Variants in FAM114A2 observed in about 807,000 individuals in gnomAD.
The protein encoded by FAM114A2 is protein FAM114A2.
Under a neutral mutation model 58.4 loss-of-function variants are expected in FAM114A2, and 53 were observed. That is an observed-to-expected ratio of 0.91 (90% confidence interval 0.73 to 1.14). FAM114A2 has a LOEUF of 1.14. Among genes scored for constraint, FAM114A2 ranks in the 50% most tolerant of loss-of-function variants. The probability of loss-of-function intolerance (pLI) is 0.00; values close to 1 mark genes in which losing one functional copy is unlikely to be tolerated. For missense variants in FAM114A2, 601 were observed against 581.1 expected (o/e 1.03, Z -0.35); for synonymous variants, 228 against 211.4 (o/e 1.08, Z -0.68).
At chr5:154,023,762 C>T (rs903057512) in intron 8 of FAM114A2, among the ~76,000 whole-genome samples, 1 of 151,688 alleles carries the variant, frequency 6.6e-6, no homozygotes, top group Non-Finnish European at 1.5e-5. Flanking sequence ...CACCTGTTCC[C>T]TGATAACCTA....
chr5:154,034,851 G>C lies in FAM114A2; in HGVS notation c.103C>G (p.Gln35Glu). 1 of 1,613,884 alleles carries C rather than the reference G, an allele frequency of 6.2e-7. No homozygotes were observed. Among genetic ancestry groups the C allele is most frequent in the Non-Finnish European group, 8.5e-7 (1 of 1,179,832 alleles). The stretch of plus-strand genomic sequence containing the variant: ...GATTTACTCTCTGGTTTGGCACCTT[G>C]GTCAACAGACTCAGAATTCTTGGCT... Reference protein sequence around the residue: ...EPAKNSESVDQGAKPESKSEP... With the variant: ...EPAKNSESVDEGAKPESKSEP... Residue 35 changes from glutamine to glutamate, a missense_variant, in exon 2 of 14, where the codon CAA (glutamine) becomes GAA (glutamate). Physicochemically the swap from Gln to Glu is conservative, Grantham distance 29 (BLOSUM62 2). Transcript: ENST00000351797.
In FAM114A2 at chr5:154,002,296, C is replaced by T; in HGVS notation, c.1211G>A (p.Arg404Lys). ...HKTAALVLHG[R>K]KQEVTAIERS... Reference sequence around the variant, plus strand: ...TTCTATGGCTGTCACTTCCTGCTTCCTGCCATGCAGAACCAATGCAGCTGT... The same window carrying T: ...TTCTATGGCTGTCACTTCCTGCTTCTTGCCATGCAGAACCAATGCAGCTGT... Residue 404 changes from arginine to lysine, a missense_variant, in exon 11 of 14, where the codon AGG becomes AAG. Coordinates refer to ENST00000351797, the MANE Select transcript of FAM114A2 (RefSeq NM_018691.4). 1 of 1,613,970 alleles carries T rather than the reference C, an allele frequency of 6.2e-7. No individual in the cohort carries two copies. The highest frequency in any genetic ancestry group is 8.5e-7 in the Non-Finnish European group (1 of 1,179,834).
chr5:154,008,744 T>A (rs1030238294), intron 9 of FAM114A2, among the ~76,000 whole-genome samples: 1 of 152,142 alleles, frequency 6.6e-6, no homozygotes, highest in African/African-American at 2.4e-5. Flanking sequence ...ATCTGAAATC[T>A]GAAACACTTC....
At chr5:154,014,891 G>T (rs1433078564) in intron 8 of FAM114A2, among the ~76,000 whole-genome samples, 1 of 152,192 alleles carries the variant, frequency 6.6e-6, no homozygotes, top group African/African-American at 2.4e-5. Flanking sequence ...CAGCTGGGAG[G>T]TGGGTAGTCT....
rs1770032192 is a variant in FAM114A2 at position 154,002,359 on chromosome 5, G to A, written c.1148C>T (p.Ala383Val). ...DIHAFAIRSL[A>V]ELTACSIELF... ...TTCAATTGAGCAGGCAGTCAGTTCAGCCAGGCTCCGGATTGCAAACGCATG... is the reference window on the plus strand; with the variant it reads ...TTCAATTGAGCAGGCAGTCAGTTCAACCAGGCTCCGGATTGCAAACGCATG... The change falls in exon 11 of 14, where the codon GCT (alanine) becomes GTT (valine). Residue 383 changes from alanine (A) to valine (V), a missense_variant. Transcript: ENST00000351797. 1 of 1,613,688 alleles carries A rather than the reference G, an allele frequency of 6.2e-7. No individual in the cohort carries two copies. The highest frequency in any genetic ancestry group is 1.3e-5 in the African/African-American group (1 of 74,756).
chr5:154,037,780 G>A lies in FAM114A2; in HGVS notation c.-15+1077C>T, dbSNP rs1484773142. On this transcript the variant is annotated intron_variant, in intron 1 of 13. Coordinates refer to ENST00000351797, the MANE Select transcript of FAM114A2 (RefSeq NM_018691.4). The stretch of plus-strand genomic sequence containing the variant: ...AGGTTGGTCTTGAACCCTAGGCCTG[G>A]CCTCAAGCAATCTTCCCCTGCCTCA... Among the ~76,000 whole-genome samples, 3 of 152,200 alleles carry A rather than the reference G, an allele frequency of 2.0e-5. No individual in the cohort carries two copies. The East Asian group carries it at 5.8e-4, about 29-fold the overall frequency.
chr5:153,997,772 C>A (rs547377289), intron 12 of FAM114A2, 31 bp downstream of exon 12: 34 of 1,279,632 alleles, frequency 2.7e-5, no homozygotes, highest in Admixed American at 2.5e-4. Context: ...ACCAGACAAA[C>A]ATTATTGCAG....
intron 4 of FAM114A2, among the ~76,000 whole-genome samples, chr5:154,032,947 A>G (rs1772297892): frequency 6.6e-6 from 1 of 152,210 alleles, no homozygotes; most frequent in South Asian, 2.1e-4. Flanking sequence ...TGATGCAGGC[A>G]TCACTAAGAA....
rs770193278 is a variant in FAM114A2, at chr5:153,997,862, A to G, written c.1270T>C (p.Leu424=). 2 of 1,595,734 alleles carry G rather than the reference A, an allele frequency of 1.3e-6. No homozygotes were observed. Among genetic ancestry groups the G allele is most frequent in the South Asian group, 2.2e-5 (2 of 88,920 alleles). Residue 424 remains leucine, a synonymous_variant, in exon 12 of 14, where the codon TTG becomes CTG. Coordinates refer to ENST00000351797, the MANE Select transcript of FAM114A2 (RefSeq NM_018691.4). The part of the protein sequence containing the change: ...SQTLSQMTIV[L]CKELSSLSKE... ...GACAGAGAGGACAACTCTTTACACA[A>G]CACAATTGTCATCCTAGGAAAGAAA...
At chr5:154,003,706 A>C (rs371500910) in intron 9 of FAM114A2, among the ~76,000 whole-genome samples, 1 of 152,284 alleles carries the variant, frequency 6.6e-6, no homozygotes, top group South Asian at 2.1e-4. Flanking sequence ...GCTCACTATA[A>C]ATAATTTTTC....
At chr5:153,995,641 C>A (rs756114634) in intron 12 of FAM114A2, among the ~76,000 whole-genome samples, 13 of 152,082 alleles carry the variant, frequency 8.5e-5, no homozygotes, top group African/African-American at 2.9e-4. Context: ...AATTTAAGAA[C>A]CCACAGTAAT....
At chr5:154,016,551 A>G (rs1416843846) in intron 8 of FAM114A2, among the ~76,000 whole-genome samples, 1 of 152,180 alleles carries the variant, frequency 6.6e-6, no homozygotes, top group East Asian at 1.9e-4. Context: ...AGTCTTTTTC[A>G]AACAAACAAA....
chr5:153,996,001 T>C (rs1769532493), intron 12 of FAM114A2, among the ~76,000 whole-genome samples: 1 of 152,052 alleles, frequency 6.6e-6, no homozygotes, highest in African/African-American at 2.4e-5. Flanking sequence ...GAAAACTTCA[T>C]AAACAGAAGA....
At chr5:154,000,957 A>G (rs1371748313) in intron 11 of FAM114A2, among the ~76,000 whole-genome samples, 3 of 152,192 alleles carry the variant, frequency 2.0e-5, no homozygotes, top group African/African-American at 7.2e-5. Flanking sequence ...GCACCATGCT[A>G]AGGGATTTAC....
chr5:154,036,542 T>C (rs1323258235), intron 1 of FAM114A2, among the ~76,000 whole-genome samples: 1 of 152,154 alleles, frequency 6.6e-6, no homozygotes, highest in African/African-American at 2.4e-5. Flanking sequence ...GTTTCTAATG[T>C]ATTAGAAAAG....
Position 154,002,953 on chromosome 5 carries a change from T to G in FAM114A2, c.1010A>C (p.His337Pro), listed in dbSNP as rs770945092. 3 of 1,613,816 alleles carry G rather than the reference T, an allele frequency of 1.9e-6. No individual in the cohort carries two copies. Among genetic ancestry groups the G allele is most frequent in the Non-Finnish European group, 2.5e-6 (3 of 1,179,872 alleles). The change falls in exon 10 of 14, where the codon CAC (histidine) becomes CCC (proline). Residue 337 changes from histidine to proline, a missense_variant. Coordinates refer to ENST00000351797, the MANE Select transcript of FAM114A2 (RefSeq NM_018691.4). Reference sequence around the variant, plus strand: ...GGTCAGAGACTTCCTGATCCATTCGTGGGCGGTATTTCTTGCCTAAATAAG... The same window carrying G: ...GGTCAGAGACTTCCTGATCCATTCGGGGGCGGTATTTCTTGCCTAAATAAG... The part of the protein sequence containing the change: ...EKLARARNTA[H>P]EWIRKSLTKP...
chr5:154,029,423 G>A lies in FAM114A2; in HGVS notation c.495+66C>T. On this transcript the variant is annotated intron_variant, in intron 5 of 13. Transcript: ENST00000351797. ...CACATGGCTGTTCAAAGAAAAGAGA[G>A]AGAAAGATATGCAAACCCATTATAA... 6 of 916,066 alleles carry A rather than the reference G, an allele frequency of 6.5e-6. No individual in the cohort carries two copies. The South Asian group carries it at 8.1e-5, about 12-fold the overall frequency. 56.7% of individuals were successfully genotyped at this position (916,066 alleles called of 1,614,324 possible).
intron 8 of FAM114A2, among the ~76,000 whole-genome samples, chr5:154,023,988 A>G (rs1206623510): frequency 1.3e-5 from 2 of 152,198 alleles, no homozygotes; most frequent in Admixed American, 1.3e-4. Flanking sequence ...CTTTGCTTTT[A>G]ATAGACATCT....
Position 154,002,238 on chromosome 5 carries a change from T to C in FAM114A2, c.1256+13A>G. 1 of 1,612,132 alleles carries C rather than the reference T, an allele frequency of 6.2e-7. No individual in the cohort carries two copies. The stretch of plus-strand genomic sequence containing the variant: ...CAATTTGCATCATTTAGAGGAATTC[T>C]CATTACACTTACTGGGAAAGAGTTT... On this transcript the variant is annotated intron_variant, in intron 11 of 13. Transcript: ENST00000351797.
Sources: gnomAD v4.1 joint callset for allele counts (sites outside exome capture counted in the v4.1 genomes callset) on GRCh38, gnomAD v4.1.1 for gene constraint, MANE v1.5 for transcripts, NCBI Gene and HGNC (gene_info 2026-07-23, HGNC 2026-07-21) for gene names.